Variants in PPARD observed in about 807,000 individuals in gnomAD.
PPARD encodes peroxisome proliferator-activated receptor delta.
A neutral mutation model predicts 39.5 loss-of-function variants in PPARD; 6 were observed. The ratio of observed to expected loss-of-function variants is 0.15; its 90% confidence interval spans 0.08 to 0.30. The LOEUF (loss-of-function observed/expected upper bound fraction) is 0.30. Ranked by LOEUF, PPARD falls within the 10% of genes least tolerant of loss-of-function variation. The pLI is 1.00. For missense variants in PPARD, 397 were observed against 596.8 expected (o/e 0.67, Z 3.49); for synonymous variants, 210 against 231.3 (o/e 0.91, Z 0.83).
At chr6:35,398,010 A>T (rs1364899626) in intron 2 of PPARD, among the ~76,000 whole-genome samples, 2 of 152,168 alleles carry the variant, frequency 1.3e-5, no homozygotes, top group African/African-American at 4.8e-5. Flanking sequence ...CTGTGTCGAG[A>T]CCAGCAGGAG....
At chr6:35,391,301 A>G (rs1009995140) in intron 2 of PPARD, among the ~76,000 whole-genome samples, 1 of 152,248 alleles carries the variant, frequency 6.6e-6, no homozygotes, top group Non-Finnish European at 1.5e-5. Context: ...AGAATAAAAC[A>G]ATGAATTTCT....
intron 2 of PPARD, among the ~76,000 whole-genome samples, chr6:35,389,906 C>T (rs1445856981): frequency 1.3e-5 from 2 of 152,184 alleles, no homozygotes; most frequent in East Asian, 3.9e-4. Context: ...GCCCTGGTGA[C>T]TTTCTTTGCC....
chr6:35,416,509 A>G (rs1765783470), intron 3 of PPARD, among the ~76,000 whole-genome samples: 1 of 151,512 alleles, frequency 6.6e-6, no homozygotes, highest in Admixed American at 6.6e-5. Context: ...AGTTACTAAC[A>G]CTTCTGAGCC....
At chr6:35,375,209 G>GTTTTTTTTTTTT (rs558275286) in intron 2 of PPARD, among the ~76,000 whole-genome samples, 3 of 59,208 alleles carry the variant, frequency 5.1e-5, no homozygotes, top group Non-Finnish European at 8.9e-5. Context: ...CTCCTTCCGA[G>GTTTTTTTTTTTT]TTTTTTTTTT....
chr6:35,414,463 G>T (rs1420413657), intron 3 of PPARD, among the ~76,000 whole-genome samples: 1 of 152,068 alleles, frequency 6.6e-6, no homozygotes, highest in Non-Finnish European at 1.5e-5. Flanking sequence ...GGGGGGTGAG[G>T]ATCTGGCAGG....
At position 35,360,047 on chromosome 6, in the gene PPARD, T is replaced by A. The variant is rs74392690; in HGVS notation, c.-102+12897T>A. ...TCAGAAAATAGCAGTCTCTTGTTGGTCACTGAGAAGAGGCAAAATTTTGGC... is the reference window on the plus strand; with the variant it reads ...TCAGAAAATAGCAGTCTCTTGTTGGACACTGAGAAGAGGCAAAATTTTGGC... On this transcript the variant is annotated intron_variant, in intron 2 of 7. Coordinates refer to ENST00000360694, the MANE Select transcript of PPARD (RefSeq NM_006238.5). Among the ~76,000 whole-genome samples, 98 of 152,212 alleles carry A rather than the reference T, an allele frequency of 6.4e-4. No individual in the cohort carries two copies. The East Asian group carries it at 0.015, about 23-fold the overall frequency.
chr6:35,357,797 A>G lies in PPARD; in HGVS notation c.-102+10647A>G, dbSNP rs528814377. Among the ~76,000 whole-genome samples, 584 of 152,112 alleles carry G rather than the reference A, an allele frequency of 3.8e-3. 3 individuals are homozygous for G. The highest frequency in any genetic ancestry group is 0.013 in the African/African-American group (523 of 41,442). On this transcript the variant is annotated intron_variant, in intron 2 of 7. Coordinates refer to ENST00000360694, the MANE Select transcript of PPARD (RefSeq NM_006238.5). ...AGTGATCCACTTGCCTCGGCCTCCC[A>G]AAGTGCTAGTATTACAGTCATGAGC...
At chr6:35,377,291 G>A (rs539068248) in intron 2 of PPARD, among the ~76,000 whole-genome samples, 1 of 152,196 alleles carries the variant, frequency 6.6e-6, no homozygotes, top group East Asian at 1.9e-4. Flanking sequence ...GCATGTCTAC[G>A]GACGTCATTT....
rs143558310 is a variant in PPARD at position 35,343,758 on chromosome 6, G to A, written c.-186+1077G>A. Among the ~76,000 whole-genome samples, 21 of 152,286 alleles carry A rather than the reference G, an allele frequency of 1.4e-4. No homozygotes were observed. In the South Asian group the frequency reaches 1.4e-3, roughly 11 times the overall value. On this transcript the variant is annotated intron_variant, in intron 1 of 7. Coordinates refer to ENST00000360694, the MANE Select transcript of PPARD (RefSeq NM_006238.5). ...AGCTGGATGTGTGCCACGGGTAGCCGGAGGCTTTGTCCAATTCTTTTCCCC... is the reference window on the plus strand; with the variant it reads ...AGCTGGATGTGTGCCACGGGTAGCCAGAGGCTTTGTCCAATTCTTTTCCCC...
intron 2 of PPARD, among the ~76,000 whole-genome samples, chr6:35,380,472 G>T (rs200948119): frequency 0.02 from 623 of 31,082 alleles, 14 homozygotes; most frequent in Middle Eastern, 0.038. Context: ...TTTTTTTTTT[G>T]TTTGTTTTTT....
At chr6:35,417,901 C>T (rs975984282) in intron 3 of PPARD, among the ~76,000 whole-genome samples, 6 of 152,208 alleles carry the variant, frequency 3.9e-5, no homozygotes, top group African/African-American at 9.7e-5. Flanking sequence ...ATAGAAGGTG[C>T]TTATCATGTG....
chr6:35,395,627 C>A (rs888108639), intron 2 of PPARD, among the ~76,000 whole-genome samples: 6 of 152,142 alleles, frequency 3.9e-5, no homozygotes, highest in African/African-American at 1.2e-4. Context: ...AGGTGCAGGC[C>A]AAGACTTGGT....
In PPARD at chr6:35,425,812, C is replaced by T. The variant is rs9658165; in HGVS notation, c.1079-20C>T. 28,352 of 1,612,032 alleles carry T rather than the reference C, an allele frequency of 0.018. 766 individuals carry two copies. Among genetic ancestry groups the T allele is most frequent in the African/African-American group, 0.098 (7,352 of 74,960 alleles). ...TCCACTGCCTTTCTGAGCTCCCTGG[C>T]GTGCCCTGTGTCCCCACAGACCGGC... On this transcript the variant is annotated intron_variant, in intron 7 of 7. Coordinates refer to ENST00000360694, the MANE Select transcript of PPARD (RefSeq NM_006238.5). This position sits in a 1 kb window ranked among gnomAD's most constrained non-coding sequence, Gnocchi z 4.5.
chr6:35,365,130 C>CTTTTTTTTTTTTTTTTTTTTTTTT (rs551946022), intron 2 of PPARD, among the ~76,000 whole-genome samples: 1 of 121,088 alleles, frequency 8.3e-6, no homozygotes, highest in African/African-American at 3.4e-5. Flanking sequence ...CTTCCTTATT[C>CTTTTTTTTTTTTTTTTTTTTTTTT]TTTTTTTTTT....
chr6:35,399,332 A>G (rs181087916), intron 2 of PPARD, among the ~76,000 whole-genome samples: 113 of 145,880 alleles, frequency 7.7e-4, no homozygotes, highest in East Asian at 5.4e-3. Flanking sequence ...CCGGGGAGGC[A>G]GAGTTTGCAC....
chr6:35,362,545 A>G (rs901773600), intron 2 of PPARD, among the ~76,000 whole-genome samples: 9 of 151,834 alleles, frequency 5.9e-5, no homozygotes, highest in Middle Eastern at 6.8e-3. Flanking sequence ...TCAGGAGTTT[A>G]GAAAAAAAGA....
Position 35,376,072 on chromosome 6 carries a change from C to T in PPARD, c.-102+28922C>T, listed in dbSNP as rs143598651. On this transcript the variant is annotated intron_variant, in intron 2 of 7. Transcript: ENST00000360694. Reference sequence around the variant, plus strand: ...ATCTTCTTGCTCAGGATTTGGTGTGCTGCTTTTATCTGAGGACTCATTTAT... The same window carrying T: ...ATCTTCTTGCTCAGGATTTGGTGTGTTGCTTTTATCTGAGGACTCATTTAT... Among the ~76,000 whole-genome samples, 303 of 152,212 alleles carry T rather than the reference C, an allele frequency of 2.0e-3. 2 individuals carry two copies. Among genetic ancestry groups the T allele is most frequent in the Middle Eastern group, 0.014 (4 of 294 alleles).
At position 35,354,114 on chromosome 6, in the gene PPARD, C is replaced by G. The variant is rs571471415; in HGVS notation, c.-102+6964C>G. On this transcript the variant is annotated intron_variant, in intron 2 of 7. Transcript: ENST00000360694. ...GGGCGTGGTGGTGGGCGCCTGTAGT[C>G]CCAGCTACTTGGGAGGCTGAGGCAG... is the stretch of plus-strand genomic sequence containing the variant. Among the ~76,000 whole-genome samples, 23 of 151,566 alleles carry G rather than the reference C, an allele frequency of 1.5e-4. No homozygotes were observed. In the East Asian group the frequency reaches 4.4e-3, roughly 29 times the overall value.
intron 2 of PPARD, among the ~76,000 whole-genome samples, chr6:35,382,902 T>C (rs1433201990): frequency 6.6e-6 from 1 of 152,204 alleles, no homozygotes; most frequent in Admixed American, 6.5e-5. Context: ...GTTGTTATTA[T>C]CATCATTATT....
Sources: gnomAD v4.1 joint callset for allele counts (sites outside exome capture counted in the v4.1 genomes callset) on GRCh38, gnomAD v4.1.1 for gene constraint, Gnocchi (gnomAD v3.1) non-coding constraint, MANE v1.5 for transcripts, NCBI Gene and HGNC (gene_info 2026-07-23, HGNC 2026-07-21) for gene names.